Variants in CHN2 observed in about 807,000 individuals in gnomAD.
CHN2 encodes the protein beta-chimaerin.
Under a neutral mutation model 56.3 loss-of-function variants are expected in CHN2, and 35 were observed. The ratio of observed to expected loss-of-function variants is 0.62; its 90% CI spans 0.47 to 0.82. The LOEUF is 0.82. CHN2 is among the 40% of genes least tolerant of loss of function. The pLI is 0.00. For missense variants in CHN2, 491 were observed against 580.5 expected (o/e 0.85, Z 1.58); for synonymous variants, 210 against 212.8 (o/e 0.99, Z 0.12).
At chr7:29,380,981 G>A (rs995873679) in intron 3 of CHN2, among the ~76,000 whole-genome samples, 2 of 152,202 alleles carry the variant, frequency 1.3e-5, no homozygotes, top group Non-Finnish European at 2.9e-5. Context: ...ATTCTGTAGA[G>A]AATATTCTCA....
rs180997031 is a variant in CHN2 at position 29,173,798 on chromosome 7, G to T, written c.274+26838G>T. On this transcript the variant is annotated intron_variant, in intron 2 of 6. Transcript: ENST00000439384. ...CCAAAAAAAAAAAAAAAAATTAGTC[G>T]AGTGTGGTGGTTCATGCCTGTAATC... Among the ~76,000 whole-genome samples, 46 of 150,828 alleles carry T rather than the reference G, an allele frequency of 3.0e-4. 1 individual carries two copies. The highest frequency in any genetic ancestry group is 3.4e-3 in the Middle Eastern group (1 of 290).
chr7:29,404,026 G>C (rs1223235107), intron 6 of CHN2, among the ~76,000 whole-genome samples: 1 of 152,156 alleles, frequency 6.6e-6, no homozygotes, highest in African/African-American at 2.4e-5. Flanking sequence ...CCATCTTATT[G>C]AAAGGCTCAC....
At chr7:29,263,227 G>C (rs534785136) in intron 1 of CHN2, among the ~76,000 whole-genome samples, 1 of 152,182 alleles carries the variant, frequency 6.6e-6, no homozygotes. Flanking sequence ...ACGGGGTTTC[G>C]CCGTGTTGGC....
rs1432650610 is a variant in CHN2, at chr7:29,456,565, G to A, written c.577-23714G>A. 4.5e-4 allele frequency among the ~76,000 whole-genome samples: 69 copies of A among 151,788 alleles called. 2 individuals carry two copies. The highest frequency in any genetic ancestry group is 4.5e-3 in the Admixed American group (69 of 15,250). On this transcript the variant is annotated intron_variant, in intron 6 of 12. Transcript: ENST00000222792. ...GCTCACAATGCATGAATGTCCCCAA[G>A]GCATACTCGTTCAAAATGCAGATTC...
At chr7:29,508,911 C>T (rs1047717702) in intron 11 of CHN2, among the ~76,000 whole-genome samples, 4 of 149,684 alleles carry the variant, frequency 2.7e-5, no homozygotes, top group African/African-American at 1.0e-4. Context: ...AACTGCAAGG[C>T]AATACTACCG....
At chr7:29,159,647 A>G (rs1483354174) in intron 2 of CHN2, among the ~76,000 whole-genome samples, 1 of 151,962 alleles carries the variant, frequency 6.6e-6, no homozygotes, top group Non-Finnish European at 1.5e-5. Flanking sequence ...ATTTTGCTCA[A>G]ATGTCACCTT....
At chr7:29,303,391 A>G (rs1793870955) in intron 1 of CHN2, among the ~76,000 whole-genome samples, 1 of 152,108 alleles carries the variant, frequency 6.6e-6, no homozygotes, top group Non-Finnish European at 1.5e-5. Flanking sequence ...TGTCTCAGTC[A>G]TTGGCGCAGG....
chr7:29,493,975 C>T (rs981727744), intron 7 of CHN2, among the ~76,000 whole-genome samples: 11 of 152,218 alleles, frequency 7.2e-5, no homozygotes, highest in African/African-American at 2.7e-4. Flanking sequence ...TGTAACTTTT[C>T]CTATCCTACC....
intron 1 of CHN2, among the ~76,000 whole-genome samples, chr7:29,309,944 AGCACTG>A (rs1794460691): frequency 6.6e-6 from 1 of 152,194 alleles, no homozygotes; most frequent in East Asian, 1.9e-4. Context: ...GTACCCTGGA[AGCACTG>A]GCCAGGCAGG....
chr7:29,277,135 G>A (rs1247959699), intron 1 of CHN2, among the ~76,000 whole-genome samples: 1 of 152,124 alleles, frequency 6.6e-6, no homozygotes, highest in Non-Finnish European at 1.5e-5. Context: ...ACAAGACCCG[G>A]TCCTGTGTCT....
chr7:29,431,555 AGAAG>A (rs1480929956), intron 6 of CHN2, among the ~76,000 whole-genome samples: 3 of 152,194 alleles, frequency 2.0e-5, no homozygotes, highest in African/African-American at 7.2e-5. Flanking sequence ...GTGGGTTCTT[AGAAG>A]GTTGGTTGGT....
chr7:29,507,545 T>C (rs1790719391), intron 11 of CHN2, among the ~76,000 whole-genome samples, 180 bp downstream of exon 11: 1 of 152,210 alleles, frequency 6.6e-6, no homozygotes, highest in Non-Finnish European at 1.5e-5. Context: ...GAACCAGTTC[T>C]AAGAACTCTG....
Position 29,513,848 on chromosome 7 carries a change from A to G in CHN2, c.*1113A>G, listed in dbSNP as rs1449405830. The G allele has an allele frequency of 6.5e-6, 1 of 152,808 alleles. No individual in the cohort carries two copies. The highest frequency in any genetic ancestry group is 1.9e-4 in the East Asian group (1 of 5,194). 9.5% of individuals were successfully genotyped at this position (152,808 alleles called of 1,614,324 possible). ...GTGGATAATATGATTTTATTACTACAGTTCCAGTCACTTGGTTATATTTAT... is the reference window on the plus strand; with the variant it reads ...GTGGATAATATGATTTTATTACTACGGTTCCAGTCACTTGGTTATATTTAT... On this transcript the variant is annotated 3_prime_UTR_variant, in exon 13 of 13. Transcript: ENST00000222792.
intron 2 of CHN2, among the ~76,000 whole-genome samples, chr7:29,362,044 C>T (rs1280828532): frequency 2.0e-5 from 3 of 152,202 alleles, no homozygotes; most frequent in African/African-American, 7.2e-5. Flanking sequence ...TCTTGAAGAG[C>T]TTTAAAAAGA....
At chr7:29,263,510 C>T (rs1459017624) in intron 1 of CHN2, among the ~76,000 whole-genome samples, 1 of 148,374 alleles carries the variant, frequency 6.7e-6, no homozygotes, top group Non-Finnish European at 1.5e-5. Context: ...TGTGAGGAGC[C>T]CCTCTGCCTG....
chr7:29,247,678 C>G (rs1055095035), intron 1 of CHN2, among the ~76,000 whole-genome samples: 3 of 152,240 alleles, frequency 2.0e-5, no homozygotes, highest in African/African-American at 7.2e-5. Context: ...GATGGTGCCT[C>G]ACGAACCCTG....
chr7:29,162,661 C>CAAAA (rs35159645), intron 2 of CHN2, among the ~76,000 whole-genome samples: 1 of 58,352 alleles, frequency 1.7e-5, no homozygotes, highest in Admixed American at 1.5e-4. Flanking sequence ...AACTCCATCT[C>CAAAA]AAAAAAAAAA....
chr7:29,327,808 A>G (rs1041765906), intron 1 of CHN2, among the ~76,000 whole-genome samples: 2 of 152,202 alleles, frequency 1.3e-5, no homozygotes, highest in African/African-American at 4.8e-5. Flanking sequence ...TCTTCCTTGA[A>G]TCGTAAAGTT....
At chr7:29,270,000 AAT>A (rs1274139439) in intron 1 of CHN2, among the ~76,000 whole-genome samples, 2 of 152,260 alleles carry the variant, frequency 1.3e-5, no homozygotes, top group Non-Finnish European at 2.9e-5. Flanking sequence ...CTGTGAAACC[AAT>A]TTAAGTAGAA....
Sources: allele counts gnomAD v4.1 joint callset (sites outside exome capture counted in the v4.1 genomes callset), GRCh38; gene constraint gnomAD v4.1.1; transcripts MANE v1.5; gene names NCBI Gene and HGNC (gene_info 2026-07-23, HGNC 2026-07-21).